Variants in PCDHGB2 observed in about 807,000 individuals in gnomAD.
PCDHGB2 encodes protocadherin gamma subfamily B, 2, also known as protocadherin gamma-B2.
Under a neutral mutation model 59.3 loss-of-function variants are expected in PCDHGB2, and 55 were observed. The ratio of observed to expected loss-of-function variants is 0.93; its 90% CI spans 0.75 to 1.16. The LOEUF (loss-of-function observed/expected upper bound fraction) is 1.16, where lower values mean the gene tolerates loss of function less well. PCDHGB2 is among the 50% of genes most tolerant of loss of function. PCDHGB2 has a pLI of 0.00. For missense variants in PCDHGB2, 1,228 were observed against 1,198.5 expected (o/e 1.02, Z -0.36); for synonymous variants, 516 against 512.0 (o/e 1.01, Z -0.11).
chr5:141,417,387 G>GA (rs1356605500), intron 1 of PCDHGB2: 1 of 154,090 alleles, frequency 6.5e-6, no homozygotes, highest in Non-Finnish European at 1.4e-5. Context: ...AAATTTTGAA[G>GA]AAAAAATATT....
At chr5:141,433,082 T>C in intron 1 of PCDHGB2, 1 of 1,614,188 alleles carries the variant, frequency 6.2e-7, no homozygotes. Flanking sequence ...CCAGCCCAAC[T>C]ATGCAGACAT....
chr5:141,389,346 T>G (rs779015878), intron 1 of PCDHGB2: 1 of 1,613,984 alleles, frequency 6.2e-7, no homozygotes. Flanking sequence ...AGTCTCTTAC[T>G]GCATCATGGC....
intron 3 of PCDHGB2, among the ~76,000 whole-genome samples, chr5:141,505,720 G>A (rs1251781594): frequency 2.2e-4 from 34 of 152,212 alleles, no homozygotes; most frequent in Non-Finnish European, 2.9e-5. Context: ...GACTCATGGA[G>A]GGAATAGTGG....
Position 141,490,330 on chromosome 5 carries a change from C to T in PCDHGB2, c.2422-4477C>T, listed in dbSNP as rs2099698666. ...GGCCAACCCTGTCCTAGAGAGCACA[C>T]CAGTGGGCACAGTAGTGGGGTTGTT... is the stretch of plus-strand genomic sequence containing the variant. On this transcript the variant is annotated intron_variant, in intron 1 of 3. Transcript: ENST00000522605. The surrounding 1 kb of genome is among the most constrained non-coding windows in gnomAD (Gnocchi z 5.4). 6.2e-7 allele frequency: 1 copy of T among 1,614,080 alleles called. No individual in the cohort carries two copies. Among genetic ancestry groups the T allele is most frequent in the Non-Finnish European group, 8.5e-7 (1 of 1,180,042 alleles).
intron 1 of PCDHGB2, chr5:141,413,354 C>T: frequency 6.2e-7 from 1 of 1,613,974 alleles, no homozygotes; most frequent in South Asian, 1.1e-5. Flanking sequence ...GGTCTGGCGC[C>T]CCGGGAGCTG....
Position 141,485,094 on chromosome 5 carries a change from C to A in PCDHGB2, c.2422-9713C>A. ...GGCGCGGGGAAAGGGAGATAGGTGT[C>A]TCCAGCTGCTGTGGCTGTTTGGGGC... On this transcript the variant is annotated intron_variant, in intron 1 of 3. Coordinates refer to ENST00000522605, the MANE Select transcript of PCDHGB2 (RefSeq NM_018923.3). The surrounding 1 kb of genome is among the most constrained non-coding windows in gnomAD (Gnocchi z 5.7). 9.1e-7 allele frequency: 1 copy of A among 1,100,766 alleles called. No individual in the cohort carries two copies. Among genetic ancestry groups the A allele is most frequent in the Non-Finnish European group, 1.4e-6 (1 of 736,922 alleles). The allele number at this position is 1,100,766 out of a possible 1,614,324, so 68.2% of individuals were successfully genotyped here. A position where few individuals can be genotyped will look rare whatever the true frequency, so the allele number is the denominator to read the frequency against.
chr5:141,374,944 G>A (rs1405459227), intron 1 of PCDHGB2: 6 of 1,614,018 alleles, frequency 3.7e-6, no homozygotes, highest in Non-Finnish European at 5.1e-6. Context: ...TTACAGAAAA[G>A]ATCTCACAAA....
intron 1 of PCDHGB2, chr5:141,390,545 A>G (rs62378444): frequency 2.0e-6 from 1 of 505,936 alleles, no homozygotes; most frequent in African/African-American, 1.9e-5. Context: ...CCACAAAGTG[A>G]AAGTGTTAGA....
In PCDHGB2 at chr5:141,476,132, T is replaced by C. The variant is rs751708569; in HGVS notation, c.2422-18675T>C. 2 of 1,607,820 alleles carry C rather than the reference T, an allele frequency of 1.2e-6. No homozygotes were observed. The highest frequency in any genetic ancestry group is 1.1e-5 in the South Asian group (1 of 90,582). On this transcript the variant is annotated intron_variant, in intron 1 of 3. Coordinates refer to ENST00000522605, the MANE Select transcript of PCDHGB2 (RefSeq NM_018923.3). The surrounding 1 kb of genome is among the most constrained non-coding windows in gnomAD (Gnocchi z 7.6). ...TTTGAGTGAGATGGTCCCAGAGGCC[T>C]GGAGGAGCGGACTGGTAAGCACCGG...
rs373048330 is a variant in PCDHGB2 at position 141,384,937 on chromosome 5, C to A, written c.2421+22381C>A. On this transcript the variant is annotated intron_variant, in intron 1 of 3. Coordinates refer to ENST00000522605, the MANE Select transcript of PCDHGB2 (RefSeq NM_018923.3). Reference sequence around the variant, plus strand: ...CTTGGCCGACCTGGGCAGCCTTGAGCCCTCCGACGGTCCTTACAACTATGA... The same window carrying A: ...CTTGGCCGACCTGGGCAGCCTTGAGACCTCCGACGGTCCTTACAACTATGA... The A allele has an allele frequency of 1.6e-4, 255 of 1,614,068 alleles. 1 individual carries two copies. The South Asian group carries it at 2.7e-3, about 17-fold the overall frequency.
chr5:141,384,360 C>T (rs1321195409), intron 1 of PCDHGB2: 2 of 1,613,902 alleles, frequency 1.2e-6, no homozygotes, highest in Non-Finnish European at 1.7e-6. Flanking sequence ...ATGCCCAGAT[C>T]ACTTATTCCT....
At chr5:141,390,444 G>A in intron 1 of PCDHGB2, 1 of 870,148 alleles carries the variant, frequency 1.1e-6, no homozygotes, top group South Asian at 1.8e-5. Context: ...TTCTACAAAG[G>A]AGGAGTAAAG....
At chr5:141,430,808 G>A in intron 1 of PCDHGB2, 1 of 1,526,682 alleles carries the variant, frequency 6.6e-7, no homozygotes, top group East Asian at 2.3e-5. Flanking sequence ...TGTCCTGCTG[G>A]GAATCCTCCT....
chr5:141,488,815 T>A (rs769851687), intron 1 of PCDHGB2, among the ~76,000 whole-genome samples: 30 of 152,144 alleles, frequency 2.0e-4, no homozygotes, highest in Non-Finnish European at 4.1e-4. Context: ...ATCTGAGCTG[T>A]CAAACTTTGC....
intron 1 of PCDHGB2, chr5:141,372,312 C>T: frequency 6.2e-7 from 1 of 1,613,550 alleles, no homozygotes; most frequent in Non-Finnish European, 8.5e-7. Context: ...GGCCGCCCGC[C>T]AGCGCCTGCT....
At chr5:141,425,363 A>C (rs2096870488) in intron 1 of PCDHGB2, among the ~76,000 whole-genome samples, 1 of 152,212 alleles carries the variant, frequency 6.6e-6, no homozygotes, top group Non-Finnish European at 1.5e-5. Context: ...TGATATTAAG[A>C]GGGTTATGTT....
At chr5:141,362,842 G>A (rs914236612) in intron 1 of PCDHGB2, among the ~76,000 whole-genome samples, 18 of 152,134 alleles carry the variant, frequency 1.2e-4, no homozygotes, top group Admixed American at 8.5e-4. Context: ...TGAGACTTTA[G>A]GCAATTAGTT....
chr5:141,478,392 A>T, intron 1 of PCDHGB2: 1 of 1,613,560 alleles, frequency 6.2e-7, no homozygotes, highest in East Asian at 2.2e-5. Flanking sequence ...CTTTACCATC[A>T]GGTGTATCTC....
chr5:141,374,563 T>G, intron 1 of PCDHGB2: 1 of 1,613,710 alleles, frequency 6.2e-7, no homozygotes, highest in South Asian at 1.1e-5. Context: ...TCTATGACCC[T>G]GATGTGGGAA....
Sources: gnomAD v4.1 joint callset for allele counts (sites outside exome capture counted in the v4.1 genomes callset) on GRCh38, gnomAD v4.1.1 for gene constraint, Gnocchi (gnomAD v3.1) non-coding constraint, MANE v1.5 for transcripts, NCBI Gene and HGNC (gene_info 2026-07-23, HGNC 2026-07-21) for gene names.